The following ZNG1F variants were observed in gnomAD, a reference collection of about 807,000 sequenced individuals.
ZNG1F encodes zinc-regulated GTPase metalloprotein activator 1F.
At chr9:41,139,125 G>A in the ZNG1F span, among the ~76,000 whole-genome samples, 2,021 of 103,090 alleles carry the variant, frequency 0.02, no homozygotes, top group East Asian at 0.026. Context: ...AGAAGGTCTA[G>A]GGCTGAAGGT....
At chr9:41,175,232 C>T in the ZNG1F span, among the ~76,000 whole-genome samples, 2 of 147,118 alleles carry the variant, frequency 1.4e-5, 1 homozygote, top group African/African-American at 5.1e-5. Context: ...CAGCTGTTTA[C>T]AGTGATTACT....
chr9:41,185,651 A>G, the ZNG1F span, among the ~76,000 whole-genome samples: 70 of 148,506 alleles, frequency 4.7e-4, no homozygotes, highest in Non-Finnish European at 5.4e-4. Flanking sequence ...CCAGCCTGGC[A>G]ACAGAGAGAG....
the ZNG1F span, among the ~76,000 whole-genome samples, chr9:41,175,137 T>C: frequency 6.7e-6 from 1 of 148,340 alleles, no homozygotes; most frequent in Non-Finnish European, 1.5e-5. Context: ...ATAATCAAAC[T>C]CATTCCAAAG....
chr9:41,201,224 G>A, the ZNG1F span, among the ~76,000 whole-genome samples: 3 of 147,030 alleles, frequency 2.0e-5, no homozygotes, highest in Non-Finnish European at 3.0e-5. Context: ...GTATGTGCAT[G>A]GGCATATATT....
chr9:41,134,748 A>C, the ZNG1F span, among the ~76,000 whole-genome samples: 2 of 145,206 alleles, frequency 1.4e-5, no homozygotes, highest in Non-Finnish European at 3.0e-5. Context: ...ACATAATCAT[A>C]CAGGCTTACA....
chr9:41,164,921 T>A, the ZNG1F span: 1 of 1,400,782 alleles, frequency 7.1e-7, no homozygotes, highest in Non-Finnish European at 9.8e-7. Flanking sequence ...CTTAAGTTTC[T>A]ACAGGGCAAC....
the ZNG1F span, chr9:41,158,935 T>A: frequency 7.3e-6 from 1 of 137,204 alleles, no homozygotes; most frequent in African/African-American, 2.7e-5. Flanking sequence ...GAGAATGAAG[T>A]AAACAAAAAA....
At chr9:41,156,148 T>C in the ZNG1F span, among the ~76,000 whole-genome samples, 2 of 133,224 alleles carry the variant, frequency 1.5e-5, no homozygotes, top group African/African-American at 6.0e-5. Context: ...GTGTTAACGA[T>C]TAGCCTCTAA....
chr9:41,145,590 C>G, the ZNG1F span: 320 of 308,346 alleles, frequency 1.0e-3, 3 homozygotes, highest in Non-Finnish European at 1.7e-3. Context: ...AGTCTTTTAG[C>G]AACACTATTT....
the ZNG1F span, among the ~76,000 whole-genome samples, chr9:41,183,974 A>C: frequency 6.7e-6 from 1 of 149,080 alleles, no homozygotes; most frequent in African/African-American, 2.5e-5. Flanking sequence ...TTTCTTGTCC[A>C]GGGTAAACTT....
chr9:41,157,695 G>A, the ZNG1F span: 3 of 150,250 alleles, frequency 2.0e-5, no homozygotes, highest in Admixed American at 6.6e-5. Flanking sequence ...CTTTATCTTA[G>A]GACTGACCAA....
chr9:41,132,074 G>C, the ZNG1F span: 1 of 1,533,486 alleles, frequency 6.5e-7, no homozygotes, highest in Non-Finnish European at 8.8e-7. Flanking sequence ...AAGCTTTTAC[G>C]AACATTGTAA....
chr9:41,131,642 T>C, the ZNG1F span: 1 of 88,196 alleles, frequency 1.1e-5, no homozygotes, highest in East Asian at 3.0e-4. Context: ...ATATTGGAAT[T>C]CGTAACTAAA....
At chr9:41,144,368 G>A in the ZNG1F span, among the ~76,000 whole-genome samples, 18 of 78,638 alleles carry the variant, frequency 2.3e-4, no homozygotes, top group Admixed American at 2.6e-3. Context: ...GACAGATACC[G>A]ACTATCATAA....
the ZNG1F span, among the ~76,000 whole-genome samples, chr9:41,150,385 G>A: frequency 2.7e-5 from 4 of 146,056 alleles, no homozygotes; most frequent in Non-Finnish European, 6.1e-5. Context: ...AGGCGGCAGC[G>A]AGGCTGGGGG....
the ZNG1F span, among the ~76,000 whole-genome samples, chr9:41,196,705 T>C: frequency 1.2e-5 from 1 of 85,060 alleles, no homozygotes; most frequent in South Asian, 4.2e-4. Flanking sequence ...AAAATATATA[T>C]ACACACACAT....
the ZNG1F span, among the ~76,000 whole-genome samples, chr9:41,174,114 C>T: frequency 7.7e-5 from 11 of 143,346 alleles, no homozygotes; most frequent in Admixed American, 6.4e-4. Context: ...CCCAGCTACT[C>T]GGGAGGCTGA....
the ZNG1F span, chr9:41,171,730 A>G: frequency 2.3e-6 from 1 of 441,392 alleles, no homozygotes; most frequent in Non-Finnish European, 3.4e-6. Flanking sequence ...CAGCCTGGGC[A>G]ACAGAGTGAG....
chr9:41,203,219 G>A, the ZNG1F span, among the ~76,000 whole-genome samples: 80 of 152,282 alleles, frequency 5.3e-4, no homozygotes, highest in Middle Eastern at 3.4e-3. Context: ...TTTCCCTGAT[G>A]CAGTTAATAA....
Sources: allele counts gnomAD v4.1 joint callset (sites outside exome capture counted in the v4.1 genomes callset), GRCh38; gene constraint gnomAD v4.1.1; transcripts MANE v1.5; gene names NCBI Gene and HGNC (gene_info 2026-07-23, HGNC 2026-07-21).